TEX9: variants seen among roughly 807,000 people sequenced by gnomAD.
TEX9 encodes the protein testis-expressed protein 9.
TEX9 carries 74 observed loss-of-function variants against 59.6 expected under a neutral mutation model. The observed-to-expected ratio is 1.24, with a 90% CI of 1.03 to 1.51. The LOEUF is 1.51. Among genes scored for constraint, TEX9 ranks in the 40% most tolerant of loss-of-function variants. The pLI is 0.00. For synonymous variants in TEX9, 186 were observed against 152.2 expected (o/e 1.22, Z -1.64); for missense variants, 522 against 447.8 (o/e 1.17, Z -1.49).
chr15:56,366,661 TTA>T (rs2046960312), intron 2 of TEX9, among the ~76,000 whole-genome samples: 2 of 152,196 alleles, frequency 1.3e-5, no homozygotes, highest in African/African-American at 4.8e-5. Flanking sequence ...ATACATACCC[TTA>T]TAAAAAAGTG....
chr15:56,315,103 C>G lies in TEX9; in HGVS notation c.-106-58338C>G, dbSNP rs2045721765. Among the ~76,000 whole-genome samples, 3 of 150,882 alleles carry G rather than the reference C, an allele frequency of 2.0e-5. No homozygotes were observed. The Admixed American group carries it at 2.0e-4, about 10-fold the overall frequency. Reference sequence around the variant, plus strand: ...CAGTGATGGGTCTTAACTCTTTATCCAATTTGCCAGTCTGTGTCTTTTAAT... The same window carrying G: ...CAGTGATGGGTCTTAACTCTTTATCGAATTTGCCAGTCTGTGTCTTTTAAT... On this transcript the variant is annotated intron_variant, in intron 1 of 5. Transcript: ENST00000560827.
chr15:56,435,639 T>G (rs1235480230), intron 12 of TEX9, among the ~76,000 whole-genome samples: 2 of 152,032 alleles, frequency 1.3e-5, no homozygotes, highest in Admixed American at 6.6e-5. Context: ...TAAGGTAATC[T>G]GAATAGTCCT....
chr15:56,330,823 T>C (rs1208554997), intron 1 of TEX9, among the ~76,000 whole-genome samples: 1 of 151,606 alleles, frequency 6.6e-6, no homozygotes, highest in African/African-American at 2.4e-5. Context: ...TAAGATTGAA[T>C]GTAAATGGAC....
chr15:56,296,369 T>G (rs571884930), intron 1 of TEX9, among the ~76,000 whole-genome samples: 3 of 152,248 alleles, frequency 2.0e-5, no homozygotes, highest in Admixed American at 1.3e-4. Flanking sequence ...TTTCTTTAAT[T>G]AGTATCATTT....
intron 2 of TEX9, among the ~76,000 whole-genome samples, chr15:56,368,177 T>G (rs1007298518): frequency 2.0e-5 from 3 of 152,144 alleles, no homozygotes; most frequent in Non-Finnish European, 4.4e-5. Context: ...ATTCCTAATT[T>G]GAATGAGTGT....
chr15:56,300,344 A>G (rs1445537071), intron 1 of TEX9, among the ~76,000 whole-genome samples: 1 of 151,988 alleles, frequency 6.6e-6, no homozygotes, highest in East Asian at 1.9e-4. Flanking sequence ...GTTCAGACAC[A>G]CTTTAATGGA....
intron 1 of TEX9, among the ~76,000 whole-genome samples, chr15:56,284,668 G>C (rs1359262882): frequency 6.6e-6 from 1 of 152,100 alleles, no homozygotes; most frequent in African/African-American, 2.4e-5. Context: ...AGTATTTCCA[G>C]TCCTATTTGA....
rs749767934 is a variant in TEX9 at position 56,394,902 on chromosome 15, G to C, written c.828+68G>C. The C allele has an allele frequency of 4.9e-6, 7 of 1,419,156 alleles. No homozygotes were observed. The South Asian group carries it at 9.7e-5, about 20-fold the overall frequency. 87.9% of individuals were successfully genotyped at this position (1,419,156 alleles called of 1,614,324 possible). ...AGAAAATTATTAAGGTTACACATTTGTATAGATGCCATTTTGACAGTTCAG... is the reference window on the plus strand; with the variant it reads ...AGAAAATTATTAAGGTTACACATTTCTATAGATGCCATTTTGACAGTTCAG... On this transcript the variant is annotated intron_variant, in intron 9 of 12. Transcript: ENST00000352903.
At chr15:56,453,906 A>C in the TEX9 span, among the ~76,000 whole-genome samples, 2 of 152,192 alleles carry the variant, frequency 1.3e-5, no homozygotes, top group Non-Finnish European at 2.9e-5. Flanking sequence ...TTTACATTAA[A>C]AAAGCTAAAT....
intron 3 of TEX9, among the ~76,000 whole-genome samples, chr15:56,378,110 C>G (rs1734411241): frequency 1.3e-5 from 2 of 152,136 alleles, no homozygotes; most frequent in Admixed American, 1.3e-4. Context: ...ATTCAGCAAA[C>G]TGAATTCTGT....
chr15:56,321,827 G>T (rs1213428714), intron 1 of TEX9, among the ~76,000 whole-genome samples: 1 of 152,062 alleles, frequency 6.6e-6, no homozygotes, highest in African/African-American at 2.4e-5. Flanking sequence ...ATTAGGACTA[G>T]CTAGACCTCA....
At chr15:56,425,769 G>C (rs2050207784) in intron 10 of TEX9, among the ~76,000 whole-genome samples, 1 of 151,996 alleles carries the variant, frequency 6.6e-6, no homozygotes, top group Non-Finnish European at 1.5e-5. Context: ...ATGTTTCCCT[G>C]TTTCTTTGAA....
At chr15:56,340,070 T>G (rs763683927) in intron 1 of TEX9, among the ~76,000 whole-genome samples, 1 of 152,182 alleles carries the variant, frequency 6.6e-6, no homozygotes, top group Non-Finnish European at 1.5e-5. Context: ...GCCTGTATCA[T>G]TGACGTCTTC....
At chr15:56,309,109 G>T (rs1183523210) in intron 1 of TEX9, among the ~76,000 whole-genome samples, 1 of 152,114 alleles carries the variant, frequency 6.6e-6, no homozygotes, top group Non-Finnish European at 1.5e-5. Context: ...GATAGAAATT[G>T]TTTTGAATCT....
intron 1 of TEX9, among the ~76,000 whole-genome samples, chr15:56,316,098 A>G (rs376909915): frequency 1.4e-5 from 2 of 146,524 alleles, no homozygotes; most frequent in Admixed American, 7.1e-5. Context: ...TGGTTTGAAT[A>G]TCCTCCCGTA....
chr15:56,338,050 C>T (rs2046291752), intron 1 of TEX9, among the ~76,000 whole-genome samples: 1 of 152,168 alleles, frequency 6.6e-6, no homozygotes, highest in African/African-American at 2.4e-5. Context: ...AGTATGGAGA[C>T]TCTTTTCCTT....
intron 1 of TEX9, among the ~76,000 whole-genome samples, chr15:56,341,029 G>A (rs1256801956): frequency 6.6e-6 from 1 of 152,056 alleles, no homozygotes; most frequent in Non-Finnish European, 1.5e-5. Context: ...CTCCCATCTT[G>A]GGGCCCTGAT....
the TEX9 span, among the ~76,000 whole-genome samples, chr15:56,455,256 A>C: frequency 6.6e-6 from 1 of 151,232 alleles, no homozygotes; most frequent in Non-Finnish European, 1.5e-5. Context: ...TGAAAAAAAA[A>C]AAAAAAAAAA....
At chr15:56,403,240 C>A (rs928892356) in intron 9 of TEX9, among the ~76,000 whole-genome samples, 4 of 152,328 alleles carry the variant, frequency 2.6e-5, no homozygotes, top group Non-Finnish European at 4.4e-5. Context: ...AAAACCCCAT[C>A]GTCTCAGCCC....
Sources: allele counts gnomAD v4.1 joint callset (sites outside exome capture counted in the v4.1 genomes callset), GRCh38; gene constraint gnomAD v4.1.1; transcripts MANE v1.5; gene names NCBI Gene and HGNC (gene_info 2026-07-23, HGNC 2026-07-21).